NCAN: variants seen among roughly 807,000 people sequenced by gnomAD.
NCAN encodes neurocan.
A neutral mutation model predicts 121.8 loss-of-function variants in NCAN; 47 were observed. The observed-to-expected ratio is 0.39, with a 90% CI of 0.31 to 0.49. NCAN has a LOEUF of 0.49. Ranked by LOEUF, NCAN falls within the 20% of genes least tolerant of loss-of-function variation. The pLI, the probability that NCAN is intolerant of heterozygous loss-of-function variation, is 0.92. For missense variants in NCAN, 1,517 were observed against 1,773.4 expected (o/e 0.86, Z 2.60); for synonymous variants, 633 against 702.0 (o/e 0.90, Z 1.55).
chr19:19,215,440 G>T (rs944849371), intron 1 of NCAN, among the ~76,000 whole-genome samples: 1 of 152,214 alleles, frequency 6.6e-6, no homozygotes, highest in African/African-American at 2.4e-5. Flanking sequence ...GAAATGCACT[G>T]CTGTGTCCCA....
rs182221551 is a variant in NCAN, at chr19:19,225,818, C to T, written c.1072+548C>T. 1.3e-5 allele frequency among the ~76,000 whole-genome samples: 2 copies of T among 152,348 alleles called. No individual in the cohort carries two copies. Among genetic ancestry groups the T allele is most frequent in the South Asian group, 2.1e-4 (1 of 4,832 alleles). ...GGCATACCATGCCCACGGGGCACCA[C>T]CTGTACCAGGGGAGGATCCGTCACC... On this transcript the variant is annotated intron_variant, in intron 6 of 14. Coordinates refer to ENST00000252575, the MANE Select transcript of NCAN (RefSeq NM_004386.3). The surrounding 1 kb of genome is among the most constrained non-coding windows in gnomAD (Gnocchi z 4.0).
chr19:19,214,835 G>A (rs1367301340), intron 1 of NCAN, among the ~76,000 whole-genome samples: 1 of 151,946 alleles, frequency 6.6e-6, no homozygotes, highest in East Asian at 1.9e-4. Flanking sequence ...GGTGCAACCC[G>A]GAGTCCTGTC....
At chr19:19,224,466 C>G in intron 5 of NCAN, 33 bp downstream of exon 5, 1 of 1,603,728 alleles carries the variant, frequency 6.2e-7, no homozygotes, top group Non-Finnish European at 8.5e-7. Context: ...CCGGCCCCTC[C>G]GCCTCTCTTT....
At chr19:19,214,901 C>T (rs2060790906) in intron 1 of NCAN, among the ~76,000 whole-genome samples, 1 of 152,148 alleles carries the variant, frequency 6.6e-6, no homozygotes, top group African/African-American at 2.4e-5. Context: ...CACACTTGCT[C>T]AGGGTTCCAA....
intron 13 of NCAN, among the ~76,000 whole-genome samples, chr19:19,246,925 T>G (rs1312393382): frequency 6.6e-6 from 1 of 152,198 alleles, no homozygotes; most frequent in Non-Finnish European, 1.5e-5. Context: ...TGCCCAGTTT[T>G]CTATTGACTT....
chr19:19,226,711 C>G lies in NCAN; in HGVS notation c.1298C>G (p.Pro433Arg). 6.2e-7 allele frequency: 1 copy of G among 1,612,490 alleles called. No homozygotes were observed. Among genetic ancestry groups the G allele is most frequent in the Non-Finnish European group, 8.5e-7 (1 of 1,178,958 alleles). Residue 433 changes from proline to arginine, a missense_variant, in exon 7 of 15, where the codon CCT (proline) becomes CGT (arginine). Coordinates refer to ENST00000252575, the MANE Select transcript of NCAN (RefSeq NM_004386.3). ...TCTCAACAGACCCTCAGCCCTACCC[C>G]TGGGGACCCCATGCTGGCCTCATGG... Reference protein sequence around the residue: ...QESQQTLSPTPGDPMLASWPT... With the variant: ...QESQQTLSPTRGDPMLASWPT...
intron 12 of NCAN, 28 bp downstream of exon 12, chr19:19,240,713 C>T (rs2060900316): frequency 1.9e-6 from 3 of 1,608,112 alleles, no homozygotes; most frequent in Non-Finnish European, 2.6e-6. Context: ...CGGGCCTAGG[C>T]TGCTGAGCCA....
chr19:19,223,465 CT>C (rs969406865), intron 3 of NCAN, among the ~76,000 whole-genome samples: 9 of 151,956 alleles, frequency 5.9e-5, no homozygotes, highest in African/African-American at 2.2e-4. Flanking sequence ...AAATGCTTTT[CT>C]TTTTTTTAAT....
intron 8 of NCAN, among the ~76,000 whole-genome samples, chr19:19,229,132 C>T (rs149148247): frequency 2.4e-4 from 37 of 152,286 alleles, no homozygotes; most frequent in East Asian, 1.4e-3. Flanking sequence ...CGCTTGAACC[C>T]GGGAGGCGGA....
rs768162493 is a variant in NCAN, at chr19:19,228,628, G to T, written c.3008G>T (p.Gly1003Val). The part of the protein sequence containing the change: ...PALPGTPMNA[G>V]AEEVHSDPCE... ...CTGCCAGGGACCCCTATGAATGCAG[G>T]TGCGGAGGAGGGTGAGTACAAAGTC... is the stretch of plus-strand genomic sequence containing the variant. The change falls in exon 8 of 15, where the codon GGT (glycine) becomes GTT (valine). Residue 1003 changes from glycine to valine, a missense_variant. Gly to Val is a moderately radical substitution (Grantham distance 109). Coordinates refer to ENST00000252575, the MANE Select transcript of NCAN (RefSeq NM_004386.3). 10 of 1,609,444 alleles carry T rather than the reference G, an allele frequency of 6.2e-6. No individual in the cohort carries two copies. In the African/African-American group the frequency reaches 6.7e-5, roughly 11 times the overall value.
At position 19,245,468 on chromosome 19, in the gene NCAN, C is replaced by A. The variant is rs143415381; in HGVS notation, c.3637+11C>A. On this transcript the variant is annotated intron_variant, in intron 13 of 14. Transcript: ENST00000252575. Reference sequence around the variant, plus strand: ...GCAAGAAGGGCACAGGTATGCTGTGCCCCCTGCTTCTTTTCCTCTCTGTCA... The same window carrying A: ...GCAAGAAGGGCACAGGTATGCTGTGACCCCTGCTTCTTTTCCTCTCTGTCA... 1.2e-6 allele frequency: 2 copies of A among 1,608,776 alleles called. No homozygotes were observed. The highest frequency in any genetic ancestry group is 1.3e-5 in the African/African-American group (1 of 74,774).
At chr19:19,221,746 A>G (rs2060817574) in intron 3 of NCAN, among the ~76,000 whole-genome samples, 1 of 151,608 alleles carries the variant, frequency 6.6e-6, no homozygotes, top group South Asian at 2.1e-4. Flanking sequence ...AAATATTAGC[A>G]GGGCATGCTA....
intron 12 of NCAN, among the ~76,000 whole-genome samples, chr19:19,245,027 T>C (rs1305678956): frequency 1.3e-5 from 2 of 152,148 alleles, no homozygotes; most frequent in African/African-American, 4.8e-5. Flanking sequence ...CCACCACTTA[T>C]CTAACACTGA....
In NCAN at chr19:19,252,225, A is replaced by G. The variant is rs147716365; in HGVS notation, c.*2314A>G. 4 of 152,706 alleles carry G rather than the reference A, an allele frequency of 2.6e-5. No individual in the cohort carries two copies. The highest frequency in any genetic ancestry group is 4.4e-5 in the Non-Finnish European group (3 of 68,054). 9.5% of individuals were successfully genotyped at this position (152,706 alleles called of 1,614,324 possible). A position where few individuals can be genotyped will look rare whatever the true frequency, so the allele number is the denominator to read the frequency against. On this transcript the variant is annotated 3_prime_UTR_variant, in exon 15 of 15. Coordinates refer to ENST00000252575, the MANE Select transcript of NCAN (RefSeq NM_004386.3). The stretch of plus-strand genomic sequence containing the variant: ...CTTGGACATTTTAATAAATTTTTTA[A>G]CAGTTCAACCTGCCCGTCACCACCT...
Position 19,238,681 on chromosome 19 carries a change from G to A in NCAN, c.3409+270G>A, listed in dbSNP as rs745789843. The A allele has an allele frequency of 6.3e-5, 31 of 491,960 alleles. No homozygotes were observed. In the East Asian group the frequency reaches 1.1e-3, roughly 18 times the overall value. The allele number at this position is 491,960 out of a possible 1,614,324, so 30.5% of individuals were successfully genotyped here. ...GCACCATTCCAGGAATATTGACACA[G>A]CACAGCAGCAATCAAGGCTGACTTT... On this transcript the variant is annotated intron_variant, in intron 11 of 14. Coordinates refer to ENST00000252575, the MANE Select transcript of NCAN (RefSeq NM_004386.3).
chr19:19,227,543 G>A lies in NCAN; in HGVS notation c.1923G>A (p.Glu641=). Residue 641 remains glutamate (E), a synonymous_variant, in exon 8 of 15, where the codon GAG becomes GAA. Transcript: ENST00000252575. The surrounding 1 kb of genome is among the most constrained non-coding windows in gnomAD (Gnocchi z 4.2). The part of the protein sequence containing the change: ...PMMAMLRGPK[E]WMLPHPTPIS... The stretch of plus-strand genomic sequence containing the variant: ...TGGCCATGCTGCGTGGTCCCAAAGA[G>A]TGGATGCTACCACACCCCACCCCCA... 1.2e-6 allele frequency: 2 copies of A among 1,613,892 alleles called. No homozygotes were observed. Among genetic ancestry groups the A allele is most frequent in the Non-Finnish European group, 1.7e-6 (2 of 1,180,004 alleles).
chr19:19,227,368 C>T lies in NCAN; in HGVS notation c.1748C>T (p.Pro583Leu). The T allele has an allele frequency of 6.2e-7, 1 of 1,613,522 alleles. No individual in the cohort carries two copies. The highest frequency in any genetic ancestry group is 8.5e-7 in the Non-Finnish European group (1 of 1,179,928). The change falls in exon 8 of 15, where the codon CCT becomes CTT. Residue 583 changes from proline (P) to leucine (L), a missense_variant. By Grantham distance (98) the Pro-to-Leu change is moderately conservative. Coordinates refer to ENST00000252575, the MANE Select transcript of NCAN (RefSeq NM_004386.3). The surrounding 1 kb of genome is among the most constrained non-coding windows in gnomAD (Gnocchi z 4.2). Reference sequence around the variant, plus strand: ...AGCATCTCAGGCCACAGCAGGGCCCCTGTCCTGGAGCTAGAGAAAGCCGAG... The same window carrying T: ...AGCATCTCAGGCCACAGCAGGGCCCTTGTCCTGGAGCTAGAGAAAGCCGAG... ...PPSISGHSRA[P>L]VLELEKAEGP...
intron 10 of NCAN, among the ~76,000 whole-genome samples, chr19:19,235,937 A>G (rs2060879581): frequency 6.6e-6 from 1 of 151,964 alleles, no homozygotes; most frequent in Admixed American, 6.6e-5. Flanking sequence ...TGTAGAGACA[A>G]GGTTTCACCA....
At position 19,249,665 on chromosome 19, in the gene NCAN, C is replaced by T. The variant is rs1177922805; in HGVS notation, c.3821-101C>T. The T allele has an allele frequency of 1.1e-5, 17 of 1,497,942 alleles. No individual in the cohort carries two copies. The East Asian group carries it at 3.2e-4, about 28-fold the overall frequency. 92.8% of individuals were successfully genotyped at this position (1,497,942 alleles called of 1,614,324 possible). ...GACAGGGATGAGCCCTCGCGTCTGG[C>T]CTCTTTCCTCTACTTTCTCTCCCAA... On this transcript the variant is annotated intron_variant, in intron 14 of 14. Coordinates refer to ENST00000252575, the MANE Select transcript of NCAN (RefSeq NM_004386.3).
Sources: gnomAD v4.1 joint callset for allele counts (sites outside exome capture counted in the v4.1 genomes callset) on GRCh38, gnomAD v4.1.1 for gene constraint, Gnocchi (gnomAD v3.1) non-coding constraint, MANE v1.5 for transcripts, NCBI Gene and HGNC (gene_info 2026-07-23, HGNC 2026-07-21) for gene names.